The following RBM5 variants were observed in gnomAD, a reference collection of about 807,000 sequenced individuals.
RBM5 encodes the protein RNA binding motif protein 5.
A neutral mutation model predicts 124.6 loss-of-function variants in RBM5; 15 were observed. That is an observed-to-expected ratio of 0.12 (90% CI 0.08 to 0.19). The LOEUF (loss-of-function observed/expected upper bound fraction) is 0.19. RBM5 is among the 10% of genes least tolerant of loss of function. RBM5 has a pLI of 1.00. For missense variants in RBM5, 580 were observed against 1,026.5 expected (o/e 0.57, Z 5.94); for synonymous variants, 337 against 361.2 (o/e 0.93, Z 0.76).
At chr3:50,094,219 C>CG in intron 4 of RBM5, 1 of 160,388 alleles carries the variant, frequency 6.2e-6, no homozygotes, top group Non-Finnish European at 1.4e-5. Context: ...TGCAGTGGTA[C>CG]AACCTCGGCT....
At chr3:50,106,618 T>G in intron 10 of RBM5, 149 bp from the exon 11 acceptor site, 2 of 613,960 alleles carry the variant, frequency 3.3e-6, no homozygotes, top group East Asian at 5.6e-5. Flanking sequence ...AGAGAGATAT[T>G]CCTTTCTTGA....
rs371604084 is a variant in RBM5, at chr3:50,112,024, A to G, written c.1455+1254A>G. 18 of 143,918 alleles carry G rather than the reference A, an allele frequency of 1.3e-4. No individual in the cohort carries two copies. In the East Asian group the frequency reaches 2.5e-3, roughly 20 times the overall value. 8.9% of individuals were successfully genotyped at this position (143,918 alleles called of 1,614,324 possible). ...CATACCTCTTCCATCCACTTCTCTC[A>G]TTTGTGAAGCCTGGCCATTTATTTC... On this transcript the variant is annotated intron_variant, in intron 17 of 24. Coordinates refer to ENST00000347869, the MANE Select transcript of RBM5 (RefSeq NM_005778.4).
chr3:50,109,634 A>G lies in RBM5; in HGVS notation c.1224A>G (p.Val408=). 1.2e-6 allele frequency: 2 copies of G among 1,614,108 alleles called. No individual in the cohort carries two copies. The highest frequency in any genetic ancestry group is 1.7e-6 in the Non-Finnish European group (2 of 1,179,968). Residue 408 remains valine (V), a synonymous_variant, in exon 15 of 25, where the codon GTA becomes GTG. Coordinates refer to ENST00000347869, the MANE Select transcript of RBM5 (RefSeq NM_005778.4). Reference sequence around the variant, plus strand: ...CAGTGACCACCACCTCAGCGGCTGTAGTGTCCCAGAGTCCTCAGCTGTATA... The same window carrying G: ...CAGTGACCACCACCTCAGCGGCTGTGGTGTCCCAGAGTCCTCAGCTGTATA... The part of the protein sequence containing the change: ...GTAVTTTSAA[V]VSQSPQLYNQ...
At position 50,093,816 on chromosome 3, in the gene RBM5, G is replaced by A; in HGVS notation, c.280G>A (p.Glu94Lys). 2 of 1,614,024 alleles carry A rather than the reference G, an allele frequency of 1.2e-6. No individual in the cohort carries two copies. Among genetic ancestry groups the A allele is most frequent in the Admixed American group, 1.7e-5 (1 of 60,020 alleles). ...CGACTATAGGCATGACATCAGTGAC[G>A]AGAGGGAGAGCAAGACCATCATGCT... is the stretch of plus-strand genomic sequence containing the variant. ...EHDYRHDISD[E>K]RESKTIMLRG... Residue 94 changes from glutamate to lysine, a missense_variant, in exon 4 of 25, where the codon GAG (glutamate) becomes AAG (lysine). This residue lies in a region of RBM5 where 101 missense variants were observed against 223.2 expected (regional missense o/e 0.45). Coordinates refer to ENST00000347869, the MANE Select transcript of RBM5 (RefSeq NM_005778.4).
intron 14 of RBM5, 97 bp downstream of exon 14, chr3:50,108,401 T>C: frequency 8.1e-7 from 1 of 1,228,202 alleles, no homozygotes; most frequent in Non-Finnish European, 1.2e-6. Context: ...TACAAGTCCA[T>C]TTCTCTGTAA....
chr3:50,115,712 T>C, intron 21 of RBM5, 105 bp downstream of exon 21: 1 of 1,375,398 alleles, frequency 7.3e-7, no homozygotes. Context: ...CATCTAATGA[T>C]GGCCTTACAG....
At position 50,107,036 on chromosome 3, in the gene RBM5, C is replaced by G. The variant is rs753773814; in HGVS notation, c.953+172C>G. ...CTTTTAGTGATTATTCCCTACTGTC[C>G]TGTGTAACCAGTTGATGAAGTTGCC... On this transcript the variant is annotated intron_variant, in intron 11 of 24. Transcript: ENST00000347869. 11 of 709,884 alleles carry G rather than the reference C, an allele frequency of 1.5e-5. 1 individual carries two copies. In the South Asian group the frequency reaches 1.6e-4, roughly 11 times the overall value. The allele number at this position is 709,884 out of a possible 1,614,324, so 44.0% of individuals were successfully genotyped here. A position where few individuals can be genotyped will look rare whatever the true frequency, so the allele number is the denominator to read the frequency against.
chr3:50,116,928 C>T (rs2091263867), intron 22 of RBM5, 146 bp from the exon 23 acceptor site: 1 of 693,470 alleles, frequency 1.4e-6, no homozygotes. Flanking sequence ...ATGATGGGAA[C>T]AAGGGAATTT....
At chr3:50,111,700 G>A (rs1160434565) in intron 17 of RBM5, among the ~76,000 whole-genome samples, 1 of 152,108 alleles carries the variant, frequency 6.6e-6, no homozygotes, top group East Asian at 1.9e-4. Context: ...TCATATAAGT[G>A]GAGTCAGACA....
rs1398865684 is a variant in RBM5, at chr3:50,113,367, G to T, written c.1456-16G>T. On this transcript the variant is annotated splice_polypyrimidine_tract_variant and intron_variant, in intron 17 of 24. Transcript: ENST00000347869. The stretch of plus-strand genomic sequence containing the variant: ...AGAAAGTCTGCATTAATTGTTTTTT[G>T]TTTGTTGTTTTCTAGTACTACTATA... 6.3e-6 allele frequency: 10 copies of T among 1,592,848 alleles called. No individual in the cohort carries two copies. In the Admixed American group the frequency reaches 1.5e-4, roughly 23 times the overall value.
intron 9 of RBM5, 131 bp from the exon 10 acceptor site, chr3:50,105,418 T>C: frequency 9.8e-7 from 1 of 1,019,402 alleles, no homozygotes; most frequent in Non-Finnish European, 1.4e-6. Context: ...TAGAATCTTC[T>C]CCATGTCAGG....
In RBM5 at chr3:50,109,669, C is replaced by G; in HGVS notation, c.1259C>G (p.Ser420Cys). ...SQSPQLYNQT[S>C]NPPGSPTEEA... ...AGTCCTCAGCTGTATAATCAAACCT[C>G]CAATCCACCTGGCTCTCCGGTAATC... Residue 420 changes from serine (S) to cysteine (C), a missense_variant, in exon 15 of 25, where the codon TCC becomes TGC. Physicochemically the swap from Ser to Cys is moderately radical, Grantham distance 112 (BLOSUM62 -1). Transcript: ENST00000347869. 1.2e-6 allele frequency: 2 copies of G among 1,613,748 alleles called. No individual in the cohort carries two copies. The highest frequency in any genetic ancestry group is 8.5e-7 in the Non-Finnish European group (1 of 1,179,648).
chr3:50,090,582 C>T, intron 2 of RBM5, 131 bp downstream of exon 2: 6 of 1,019,800 alleles, frequency 5.9e-6, no homozygotes, highest in East Asian at 2.5e-5. Context: ...CTTTATGATC[C>T]TGTTGTCACA....
intron 4 of RBM5, among the ~76,000 whole-genome samples, chr3:50,094,968 C>T (rs1257848370): frequency 1.3e-5 from 2 of 152,082 alleles, no homozygotes; most frequent in Non-Finnish European, 2.9e-5. Context: ...GAGGTCGAGG[C>T]GGGTGGATCA....
At chr3:50,092,288 C>T in intron 3 of RBM5, 80 bp downstream of exon 3, 1 of 1,446,802 alleles carries the variant, frequency 6.9e-7, no homozygotes, top group Non-Finnish European at 9.3e-7. Flanking sequence ...GCAGCCAGGT[C>T]CAGTGGCCCC....
At chr3:50,104,754 C>A (rs749870552) in intron 8 of RBM5, 5 of 304,430 alleles carry the variant, frequency 1.6e-5, no homozygotes, top group African/African-American at 4.3e-5. Flanking sequence ...AAATCTTTTC[C>A]CTTAGGTTAG....
chr3:50,100,085 C>G lies in RBM5; in HGVS notation c.409+34C>G. On this transcript the variant is annotated intron_variant, in intron 5 of 24. Transcript: ENST00000347869. This position sits in a 1 kb window ranked among gnomAD's most constrained non-coding sequence, Gnocchi z 5.1. ...TTGCTTAGTTCCTGATATTATTGTT[C>G]TCTTCCCCATTCCCACCTCAGTCCC... 1 of 1,586,098 alleles carries G rather than the reference C, an allele frequency of 6.3e-7. No individual in the cohort carries two copies. Among genetic ancestry groups the G allele is most frequent in the South Asian group, 1.1e-5 (1 of 89,074 alleles).
Position 50,090,473 on chromosome 3 carries a change from C to T in RBM5, c.17+22C>T, listed in dbSNP as rs1327872813. 1.9e-6 allele frequency: 3 copies of T among 1,613,506 alleles called. No homozygotes were observed. In the South Asian group the frequency reaches 3.3e-5, roughly 18 times the overall value. On this transcript the variant is annotated intron_variant, in intron 2 of 24. Coordinates refer to ENST00000347869, the MANE Select transcript of RBM5 (RefSeq NM_005778.4). ...AAAGGTAAGTTACTACAGTACGTGG[C>T]TTTGATCTCAACATTTCAGTGGGGA...
intron 15 of RBM5, 116 bp downstream of exon 15, chr3:50,109,804 C>A: frequency 1.5e-6 from 1 of 683,928 alleles, no homozygotes; most frequent in South Asian, 2.0e-5. Flanking sequence ...ACACTTCAAC[C>A]TTATTTCTTT....
Sources: allele counts gnomAD v4.1 joint callset (sites outside exome capture counted in the v4.1 genomes callset), GRCh38; gene constraint gnomAD v4.1.1; regional missense constraint gnomAD v4.1.1; non-coding constraint Gnocchi (gnomAD v3.1); transcripts MANE v1.5; gene names NCBI Gene and HGNC (gene_info 2026-07-23, HGNC 2026-07-21).